Variants in TRAPPC9 observed in about 807,000 individuals in gnomAD.
TRAPPC9 encodes IKK2 binding protein.
A neutral mutation model predicts 124.0 loss-of-function variants in TRAPPC9; 83 were observed. The observed-to-expected ratio is 0.67, with a 90% CI of 0.56 to 0.80. The LOEUF (loss-of-function observed/expected upper bound fraction) is 0.80, where lower values mean the gene tolerates loss of function less well. Among genes scored for constraint, TRAPPC9 ranks in the 30% least tolerant of loss-of-function variants. The pLI, the probability that TRAPPC9 is intolerant of heterozygous loss-of-function variation, is 0.00. For synonymous variants in TRAPPC9, 638 were observed against 617.5 expected, an observed-to-expected ratio of 1.03 and a Z score of -0.49; for missense variants, 1,302 against 1,508.3, an observed-to-expected ratio of 0.86 and a Z score of 2.27.
At chr8:140,215,226 G>A (rs1053435404) in intron 17 of TRAPPC9, among the ~76,000 whole-genome samples, 1 of 152,084 alleles carries the variant, frequency 6.6e-6, no homozygotes, top group Non-Finnish European at 1.5e-5. Context: ...TACCCAGGAC[G>A]CACCCACGCT....
In TRAPPC9 at chr8:140,291,004, C is replaced by T. The variant is rs1014827768; in HGVS notation, c.1843G>A (p.Val615Ile). The T allele has an allele frequency of 1.9e-6, 3 of 1,614,056 alleles. No individual in the cohort carries two copies. Among genetic ancestry groups the T allele is most frequent in the African/African-American group, 1.3e-5 (1 of 74,938 alleles). The change falls in exon 12 of 23, where the codon GTT becomes ATT. Residue 615 changes from valine to isoleucine, a missense_variant. Transcript: ENST00000438773. ...VYNPMPFELR[V>I]ENMGLLTSGV... ...TTGGTGATACATACCATGTTTTCAACTCGAAGTTCAAACGGCATTGGGTTA... is the reference window on the plus strand; with the variant it reads ...TTGGTGATACATACCATGTTTTCAATTCGAAGTTCAAACGGCATTGGGTTA...
chr8:139,789,059 C>T (rs1268782602), intron 21 of TRAPPC9, among the ~76,000 whole-genome samples: 1 of 152,244 alleles, frequency 6.6e-6, no homozygotes, highest in African/African-American at 2.4e-5. Flanking sequence ...TCAGCATGCA[C>T]GCTCATCTAA....
intron 15 of TRAPPC9, among the ~76,000 whole-genome samples, chr8:140,272,100 T>G: frequency 8.1e-6 from 1 of 124,114 alleles, no homozygotes; most frequent in Non-Finnish European, 1.8e-5. Flanking sequence ...GATGATGAGG[T>G]GATTGTGGTG....
In TRAPPC9 at chr8:140,182,536, A is replaced by AC. The variant is rs2062227495; in HGVS notation, c.2556+38922_2556+38923insG. Reference sequence around the variant, plus strand: ...ACTTCATACTATTTTAAGGCAATTTAGTGCACGCTGATCTAAGCTCACTGA... The same window carrying AC: ...ACTTCATACTATTTTAAGGCAATTTACGTGCACGCTGATCTAAGCTCACTGA... On this transcript the variant is annotated intron_variant, in intron 17 of 22. Transcript: ENST00000438773. This position sits in a 1 kb window ranked among gnomAD's most constrained non-coding sequence, Gnocchi z 4.0. 6.6e-6 allele frequency among the ~76,000 whole-genome samples: 1 copy of AC among 152,210 alleles called. No individual in the cohort carries two copies. The highest frequency in any genetic ancestry group is 2.4e-5 in the African/African-American group (1 of 41,452).
At chr8:140,417,064 TAACTC>T (rs777964521) in intron 5 of TRAPPC9, among the ~76,000 whole-genome samples, 7 of 152,146 alleles carry the variant, frequency 4.6e-5, no homozygotes, top group Non-Finnish European at 8.8e-5. Flanking sequence ...ATACAAAAAT[TAACTC>T]AAGATGGATT....
intron 17 of TRAPPC9, among the ~76,000 whole-genome samples, chr8:140,100,724 C>G (rs1040402484): frequency 6.6e-6 from 1 of 152,138 alleles, no homozygotes; most frequent in Non-Finnish European, 1.5e-5. Context: ...TGAGGGTGGC[C>G]GTGCGTCTGC....
intron 16 of TRAPPC9, among the ~76,000 whole-genome samples, chr8:140,251,065 A>G (rs2064120951): frequency 6.6e-6 from 1 of 152,174 alleles, no homozygotes; most frequent in Non-Finnish European, 1.5e-5. Context: ...AATTCAAACA[A>G]CCAAGCACAA....
intron 21 of TRAPPC9, among the ~76,000 whole-genome samples, chr8:139,829,790 C>T (rs887037258): frequency 2.6e-5 from 4 of 152,214 alleles, no homozygotes; most frequent in South Asian, 2.1e-4. Flanking sequence ...CTGTCTCTAG[C>T]GATGCTACAC....
chr8:140,123,794 A>G (rs940066039), intron 17 of TRAPPC9, among the ~76,000 whole-genome samples: 1 of 152,232 alleles, frequency 6.6e-6, no homozygotes, highest in Non-Finnish European at 1.5e-5. Flanking sequence ...CCTGGCCATC[A>G]AAGGACACTG....
At chr8:139,768,973 T>C (rs1031682286) in intron 21 of TRAPPC9, among the ~76,000 whole-genome samples, 2 of 152,178 alleles carry the variant, frequency 1.3e-5, no homozygotes, top group Non-Finnish European at 2.9e-5. Flanking sequence ...AAGAAGGCAG[T>C]CGTCTACAGG....
rs189218654 is a variant in TRAPPC9, at chr8:139,802,983, C to T, written c.3056-70781G>A. The stretch of plus-strand genomic sequence containing the variant: ...TGCTGTTGTGTGAGTGCATTGTGTG[C>T]GTGTTATGTATGTCAGTGTATGTTG... On this transcript the variant is annotated intron_variant, in intron 21 of 22. Transcript: ENST00000438773. Among the ~76,000 whole-genome samples the T allele has an allele frequency of 3.4e-3, 509 of 150,726 alleles. 5 individuals are homozygous for T. The highest frequency in any genetic ancestry group is 4.8e-3 in the Non-Finnish European group (325 of 67,730).
At chr8:140,316,431 T>C (rs1486079026) in intron 9 of TRAPPC9, among the ~76,000 whole-genome samples, 1 of 152,210 alleles carries the variant, frequency 6.6e-6, no homozygotes, top group East Asian at 1.9e-4. Flanking sequence ...TGAGTATTCT[T>C]AACACCTAAT....
Position 139,740,235 on chromosome 8 carries a change from T to C in TRAPPC9, c.3056-8033A>G, listed in dbSNP as rs186637017. Among the ~76,000 whole-genome samples, 58 of 152,366 alleles carry C rather than the reference T, an allele frequency of 3.8e-4. No homozygotes were observed. The East Asian group carries it at 0.011, about 28-fold the overall frequency. ...TCCTGTCCCTGGCCCTGCTTCTGTT[T>C]CACATTTAATACCAGCCAGAGTTAC... On this transcript the variant is annotated intron_variant, in intron 21 of 22. Coordinates refer to ENST00000438773, the MANE Select transcript of TRAPPC9 (RefSeq NM_001160372.4).
At chr8:139,842,933 C>T (rs1270034990) in intron 21 of TRAPPC9, among the ~76,000 whole-genome samples, 2 of 152,310 alleles carry the variant, frequency 1.3e-5, no homozygotes, top group African/African-American at 2.4e-5. Flanking sequence ...AGCTGAGGTC[C>T]GGGCAGGTGA....
chr8:139,804,925 C>T (rs1823936251), intron 21 of TRAPPC9, among the ~76,000 whole-genome samples: 1 of 152,196 alleles, frequency 6.6e-6, no homozygotes, highest in South Asian at 2.1e-4. Context: ...AGCTCCCCAC[C>T]AGCCACCATG....
In TRAPPC9 at chr8:140,216,038, G is replaced by C. The variant is rs985302973; in HGVS notation, c.2556+5421C>G. The C allele has an allele frequency of 1.2e-4, 18 of 152,174 alleles. No individual in the cohort carries two copies. Among genetic ancestry groups the C allele is most frequent in the Admixed American group, 1.2e-3 (18 of 15,274 alleles). 9.4% of individuals were successfully genotyped at this position (152,174 alleles called of 1,614,324 possible). Reference sequence around the variant, plus strand: ...CAGAGGCGTTGGGACTCTGTCCACAGGTAAAATTCAGAAAAGCTGTAGTGA... The same window carrying C: ...CAGAGGCGTTGGGACTCTGTCCACACGTAAAATTCAGAAAAGCTGTAGTGA... On this transcript the variant is annotated intron_variant, in intron 17 of 22. Transcript: ENST00000438773. The surrounding 1 kb of genome is among the most constrained non-coding windows in gnomAD (Gnocchi z 4.1).
At chr8:139,972,377 T>G (rs1300829814) in intron 19 of TRAPPC9, among the ~76,000 whole-genome samples, 1 of 152,214 alleles carries the variant, frequency 6.6e-6, no homozygotes, top group Non-Finnish European at 1.5e-5. Context: ...CAAAGTTTTC[T>G]CACAGTAATA....
chr8:140,457,209 T>A (rs2071706406), intron 1 of TRAPPC9, among the ~76,000 whole-genome samples: 1 of 151,744 alleles, frequency 6.6e-6, no homozygotes, highest in Admixed American at 6.5e-5. Context: ...CGGGCTCCAG[T>A]GGGCTTAGCC....
At chr8:139,978,687 G>C (rs1563659282) in intron 19 of TRAPPC9, among the ~76,000 whole-genome samples, 1 of 152,208 alleles carries the variant, frequency 6.6e-6, no homozygotes, top group Admixed American at 6.5e-5. Context: ...GCTGTGACGT[G>C]AAAGACCACA....
Sources: allele counts gnomAD v4.1 joint callset (sites outside exome capture counted in the v4.1 genomes callset), GRCh38; gene constraint gnomAD v4.1.1; non-coding constraint Gnocchi (gnomAD v3.1); transcripts MANE v1.5; gene names NCBI Gene and HGNC (gene_info 2026-07-23, HGNC 2026-07-21).